Variants in EFCAB11 observed in about 807,000 individuals in gnomAD.
The protein encoded by EFCAB11 is EF-hand calcium binding domain 11.
A neutral mutation model predicts 23.0 loss-of-function variants in EFCAB11; 14 were observed. The ratio of observed to expected loss-of-function variants is 0.61; its 90% CI spans 0.40 to 0.95. The LOEUF is 0.95. EFCAB11 is among the 40% of genes least tolerant of loss of function. The probability of loss-of-function intolerance (pLI) is 0.00; values close to 1 mark genes in which losing one functional copy is unlikely to be tolerated. For synonymous variants in EFCAB11, 65 were observed against 66.6 expected (o/e 0.98, Z 0.11); for missense variants, 198 against 195.8 (o/e 1.01, Z -0.07).
At chr14:89,932,484 A>G (rs1446048432) in intron 4 of EFCAB11, 42 bp downstream of exon 4, 22 of 1,521,796 alleles carry the variant, frequency 1.4e-5, no homozygotes, top group Non-Finnish European at 1.7e-5. Context: ...CAATCCCTTA[A>G]AAGTAATTTT....
intron 5 of EFCAB11, among the ~76,000 whole-genome samples, chr14:89,870,864 C>T (rs547425945): frequency 8.6e-5 from 13 of 151,924 alleles, no homozygotes; most frequent in African/African-American, 2.2e-4. Context: ...CGCTTGAACC[C>T]GGGAAGTGGA....
chr14:89,911,239 T>C (rs1889665417), intron 5 of EFCAB11, among the ~76,000 whole-genome samples: 1 of 152,104 alleles, frequency 6.6e-6, no homozygotes, highest in Admixed American at 6.5e-5. Flanking sequence ...CTAAATCAAA[T>C]AAATAGGCAT....
chr14:89,834,689 G>A (rs911749671), intron 5 of EFCAB11, among the ~76,000 whole-genome samples: 3 of 152,196 alleles, frequency 2.0e-5, no homozygotes, highest in Admixed American at 6.5e-5. Flanking sequence ...AAGTACCCAC[G>A]GATAGCAACA....
Position 89,916,304 on chromosome 14 carries a change from C to T in EFCAB11, c.410+15237G>A, listed in dbSNP as rs1472731603. 5.9e-5 allele frequency among the ~76,000 whole-genome samples: 9 copies of T among 152,146 alleles called. 1 individual carries two copies. The highest frequency in any genetic ancestry group is 1.2e-4 in the Non-Finnish European group (8 of 68,012). ...ATGACAAAACTGGTCATTGAAGAAA[C>T]TTCTTTACTAGACAATGTGAAAGAG... On this transcript the variant is annotated intron_variant, in intron 5 of 5. Coordinates refer to ENST00000316738, the MANE Select transcript of EFCAB11 (RefSeq NM_145231.4).
intron 5 of EFCAB11, among the ~76,000 whole-genome samples, chr14:89,813,035 T>C (rs142095026): frequency 1.3e-5 from 2 of 152,262 alleles, no homozygotes; most frequent in Admixed American, 6.5e-5. Flanking sequence ...ATGGTATGAA[T>C]AGATAATTCA....
chr14:89,939,051 G>A (rs2139824086), intron 3 of EFCAB11, among the ~76,000 whole-genome samples: 1 of 150,894 alleles, frequency 6.6e-6, no homozygotes, highest in South Asian at 2.1e-4. Flanking sequence ...AACCCAGGCA[G>A]GAATTGTTAC....
chr14:89,945,925 A>T (rs141098919), intron 3 of EFCAB11, among the ~76,000 whole-genome samples: 11,038 of 127,222 alleles, frequency 0.087, 621 homozygotes, highest in South Asian at 0.24. Flanking sequence ...TTTTTTTTTT[A>T]TTTTTTTTTT....
At chr14:89,811,491 T>C (rs1158818339) in intron 5 of EFCAB11, among the ~76,000 whole-genome samples, 1 of 152,138 alleles carries the variant, frequency 6.6e-6, no homozygotes, top group African/African-American at 2.4e-5. Context: ...GCAGACAGAA[T>C]TAAGGTTGCT....
At chr14:89,827,593 C>G (rs887485536) in intron 5 of EFCAB11, among the ~76,000 whole-genome samples, 1 of 151,168 alleles carries the variant, frequency 6.6e-6, no homozygotes, top group Non-Finnish European at 1.5e-5. Context: ...ACTGCTTTTT[C>G]CATGACCATG....
intron 5 of EFCAB11, among the ~76,000 whole-genome samples, chr14:89,883,900 G>A (rs1244323211): frequency 6.6e-6 from 1 of 152,174 alleles, no homozygotes; most frequent in African/African-American, 2.4e-5. Context: ...ATGGAGGTGG[G>A]AGACTGCTTG....
chr14:89,864,834 C>T (rs1888034489), intron 5 of EFCAB11, among the ~76,000 whole-genome samples: 1 of 152,206 alleles, frequency 6.6e-6, no homozygotes, highest in African/African-American at 2.4e-5. Context: ...GCTGACTCAA[C>T]CTTGTGCCCA....
chr14:89,892,917 A>C (rs1596435828), intron 5 of EFCAB11, among the ~76,000 whole-genome samples: 1 of 152,134 alleles, frequency 6.6e-6, no homozygotes, highest in East Asian at 1.9e-4. Context: ...AAAAGAAAAG[A>C]AAAGAAAAGA....
chr14:89,922,924 T>A (rs1313082322), intron 5 of EFCAB11, among the ~76,000 whole-genome samples: 1 of 152,192 alleles, frequency 6.6e-6, no homozygotes, highest in Non-Finnish European at 1.5e-5. Flanking sequence ...ATAAGAAATA[T>A]CTTAACAGCT....
intron 5 of EFCAB11, among the ~76,000 whole-genome samples, chr14:89,922,042 ATGAC>A: frequency 6.6e-6 from 1 of 152,224 alleles, no homozygotes; most frequent in Non-Finnish European, 1.5e-5. Flanking sequence ...AACTTCAAGG[ATGAC>A]TGAAAGGGTT....
intron 5 of EFCAB11, among the ~76,000 whole-genome samples, chr14:89,894,292 G>A (rs977139700): frequency 6.6e-6 from 1 of 151,756 alleles, no homozygotes; most frequent in Non-Finnish European, 1.5e-5. Context: ...ATACATGTGC[G>A]GAACGTGCAG....
intron 5 of EFCAB11, among the ~76,000 whole-genome samples, chr14:89,803,664 G>T (rs770053246): frequency 6.6e-6 from 1 of 152,120 alleles, no homozygotes; most frequent in South Asian, 2.1e-4. Flanking sequence ...CTACATTAGG[G>T]ACAAAGCTGT....
intron 5 of EFCAB11, among the ~76,000 whole-genome samples, chr14:89,834,446 A>C (rs540533378): frequency 6.6e-6 from 1 of 151,418 alleles, no homozygotes; most frequent in Admixed American, 6.6e-5. Context: ...TCTACTTGCA[A>C]CCGGCAATTG....
intron 5 of EFCAB11, among the ~76,000 whole-genome samples, chr14:89,804,890 T>G (rs1048886249): frequency 1.3e-5 from 2 of 152,218 alleles, no homozygotes; most frequent in African/African-American, 4.8e-5. Flanking sequence ...CATGTCTTAT[T>G]AATAATATTT....
intron 5 of EFCAB11, among the ~76,000 whole-genome samples, chr14:89,905,967 T>C (rs1236381264): frequency 6.6e-6 from 1 of 152,130 alleles, no homozygotes; most frequent in African/African-American, 2.4e-5. Context: ...GATGATGACT[T>C]TCACTTTAAA....
Sources: allele counts gnomAD v4.1 joint callset (sites outside exome capture counted in the v4.1 genomes callset), GRCh38; gene constraint gnomAD v4.1.1; transcripts MANE v1.5; gene names NCBI Gene and HGNC (gene_info 2026-07-23, HGNC 2026-07-21).